NUP98: variants seen among roughly 807,000 people sequenced by gnomAD.
The protein encoded by NUP98 is nucleoporin 98 and 96 precursor.
A neutral mutation model predicts 191.9 loss-of-function variants in NUP98; 26 were observed. The observed-to-expected ratio is 0.14, with a 90% CI of 0.10 to 0.19. NUP98 has a LOEUF of 0.19. Ranked by LOEUF, NUP98 falls within the 10% of genes least tolerant of loss-of-function variation. NUP98 has a pLI of 1.00. For missense variants in NUP98, 1,941 were observed against 2,178.8 expected (o/e 0.89, Z 2.17); for synonymous variants, 808 against 778.4 (o/e 1.04, Z -0.63).
At chr11:3,715,583 T>C (rs1300843093) in intron 18 of NUP98, among the ~76,000 whole-genome samples, 1 of 152,196 alleles carries the variant, frequency 6.6e-6, no homozygotes, top group East Asian at 1.9e-4. Context: ...TCAAGTCCTT[T>C]GCCAATATTT....
At chr11:3,781,871 T>G (rs1469720581) in intron 2 of NUP98, among the ~76,000 whole-genome samples, 171 bp downstream of exon 2, 1 of 152,212 alleles carries the variant, frequency 6.6e-6, no homozygotes, top group African/African-American at 2.4e-5. Context: ...AATTTATTTC[T>G]ACTTTCTTAA....
At chr11:3,776,932 T>A (rs2081752936) in intron 4 of NUP98, among the ~76,000 whole-genome samples, 1 of 152,228 alleles carries the variant, frequency 6.6e-6, no homozygotes, top group South Asian at 2.1e-4. Context: ...AAATACTTTG[T>A]TTCATCATAA....
At chr11:3,745,272 G>A (rs1038710958) in intron 11 of NUP98, among the ~76,000 whole-genome samples, 1 of 152,078 alleles carries the variant, frequency 6.6e-6, no homozygotes. Flanking sequence ...CCAACATATC[G>A]TCTTTCACTA....
intron 26 of NUP98, among the ~76,000 whole-genome samples, chr11:3,694,934 A>G (rs1336026780): frequency 1.3e-5 from 2 of 152,098 alleles, no homozygotes; most frequent in African/African-American, 4.8e-5. Context: ...AAATCACAGA[A>G]CTCCTATGTA....
At chr11:3,772,539 T>C (rs1271467272) in intron 6 of NUP98, among the ~76,000 whole-genome samples, 1 of 152,142 alleles carries the variant, frequency 6.6e-6, no homozygotes, top group Non-Finnish European at 1.5e-5. Flanking sequence ...ATAATGTGCC[T>C]GGGTGCTGCA....
At chr11:3,706,314 T>C (rs2078858429) in intron 21 of NUP98, 131 bp downstream of exon 21, 3 of 764,798 alleles carry the variant, frequency 3.9e-6, no homozygotes, top group African/African-American at 3.5e-5. Flanking sequence ...GGCCATATTC[T>C]TGTATTTTTT....
chr11:3,765,716 G>A (rs749286989), intron 8 of NUP98, among the ~76,000 whole-genome samples: 34 of 150,786 alleles, frequency 2.3e-4, no homozygotes, highest in Non-Finnish European at 2.9e-5. Flanking sequence ...CAGGAGAATC[G>A]CTTGAACCCA....
intron 12 of NUP98, among the ~76,000 whole-genome samples, chr11:3,742,348 G>A (rs1411007236): frequency 6.6e-6 from 1 of 152,146 alleles, no homozygotes; most frequent in Non-Finnish European, 1.5e-5. Flanking sequence ...TCAAAGAACA[G>A]AAGACAGAAG....
At chr11:3,748,223 A>G (rs774988841) in intron 11 of NUP98, among the ~76,000 whole-genome samples, 5 of 152,198 alleles carry the variant, frequency 3.3e-5, no homozygotes, top group African/African-American at 4.8e-5. Flanking sequence ...AGACATTGCT[A>G]ATCATAACCT....
At chr11:3,687,831 G>A (rs539739687) in intron 28 of NUP98, among the ~76,000 whole-genome samples, 1 of 152,194 alleles carries the variant, frequency 6.6e-6, no homozygotes, top group South Asian at 2.1e-4. Flanking sequence ...GGAAGCCAAG[G>A]CGGGTGGATC....
At chr11:3,772,435 A>C (rs573016635) in intron 6 of NUP98, among the ~76,000 whole-genome samples, 1 of 152,310 alleles carries the variant, frequency 6.6e-6, no homozygotes, top group South Asian at 2.1e-4. Flanking sequence ...AATGTACAAC[A>C]ACCTACTACA....
chr11:3,772,999 CA>C lies in NUP98; in HGVS notation c.603+632del, dbSNP rs780896301. Among the ~76,000 whole-genome samples, 425 of 149,878 alleles carry C rather than the reference CA, an allele frequency of 2.8e-3. 3 individuals carry two copies. Among genetic ancestry groups the C allele is most frequent in the African/African-American group, 0.01 (410 of 40,812 alleles). ...CTCAAAAACAAACAAACAAAAAAAA[CA>C]AAAAAAAACCAACTTTTATTAAGCT... On this transcript the variant is annotated intron_variant, in intron 6 of 32. Transcript: ENST00000324932.
At chr11:3,701,582 C>G (rs1053494468) in intron 23 of NUP98, among the ~76,000 whole-genome samples, 5 of 151,764 alleles carry the variant, frequency 3.3e-5, no homozygotes, top group Non-Finnish European at 7.4e-5. Flanking sequence ...ATATTAATAA[C>G]CTTCAAAATT....
intron 24 of NUP98, 57 bp downstream of exon 24, chr11:3,700,553 T>C (rs2134103389): frequency 3.2e-6 from 4 of 1,237,846 alleles, no homozygotes; most frequent in Non-Finnish European, 4.6e-6. Flanking sequence ...CCCGTGAACA[T>C]ACGCTACCAC....
intron 13 of NUP98, among the ~76,000 whole-genome samples, chr11:3,733,861 G>T (rs1305037944): frequency 1.3e-5 from 2 of 151,976 alleles, no homozygotes; most frequent in Non-Finnish European, 2.9e-5. Flanking sequence ...TTTTCATTTT[G>T]TATCCTCAGC....
At position 3,693,373 on chromosome 11, in the gene NUP98, C is replaced by T. The variant is rs2078382914; in HGVS notation, c.4170G>A (p.Val1390=). The T allele has an allele frequency of 6.2e-7, 1 of 1,614,098 alleles. No individual in the cohort carries two copies. The highest frequency in any genetic ancestry group is 8.5e-7 in the Non-Finnish European group (1 of 1,179,982). ...TTTGCTTCTTTTCTGAGAGCTGCCA[C>T]ACCTGTGCGAAACAAAATCATCACC... ...RIFALLAGKP[V]WQLSEKKQIN... is the part of the protein sequence containing the mutation. Residue 1390 remains valine (V), a splice_region_variant and synonymous_variant, in exon 27 of 33, where the codon GTG becomes GTA. Transcript: ENST00000324932.
chr11:3,770,765 CATCTTT>C (rs1305341285), intron 7 of NUP98, among the ~76,000 whole-genome samples: 1 of 152,170 alleles, frequency 6.6e-6, no homozygotes, highest in Non-Finnish European at 1.5e-5. Flanking sequence ...AAGTAATCAT[CATCTTT>C]AACTCCTCTT....
At chr11:3,736,310 G>A (rs1162350130) in intron 12 of NUP98, among the ~76,000 whole-genome samples, 3 of 152,118 alleles carry the variant, frequency 2.0e-5, no homozygotes, top group Non-Finnish European at 4.4e-5. Context: ...AGCATTCACT[G>A]CATAGTATAT....
At chr11:3,795,478 A>G (rs61896925) in intron 1 of NUP98, among the ~76,000 whole-genome samples, 7,432 of 152,216 alleles carry the variant, frequency 0.049, 242 homozygotes, top group Middle Eastern at 0.11. Context: ...GTCAGGGACC[A>G]AAGTATCACA....
Sources: allele counts gnomAD v4.1 joint callset (sites outside exome capture counted in the v4.1 genomes callset), GRCh38; gene constraint gnomAD v4.1.1; transcripts MANE v1.5; gene names NCBI Gene and HGNC (gene_info 2026-07-23, HGNC 2026-07-21).